RIOK2: variants seen among roughly 807,000 people sequenced by gnomAD.
RIOK2 encodes serine/threonine-protein kinase RIO2.
RIOK2 carries 46 observed loss-of-function variants against 62.4 expected under a neutral mutation model. The ratio of observed to expected loss-of-function variants is 0.74; its 90% CI spans 0.58 to 0.94. The LOEUF is 0.94. RIOK2 is among the 40% of genes least tolerant of loss of function. RIOK2 has a pLI of 0.00. For synonymous variants in RIOK2, 197 were observed against 216.0 expected, an observed-to-expected ratio of 0.91 and a Z score of 0.77; for missense variants, 574 against 658.0, an observed-to-expected ratio of 0.87 and a Z score of 1.40.
chr5:97,177,615 A>G, intron 3 of RIOK2, 117 bp downstream of exon 3: 1 of 688,998 alleles, frequency 1.5e-6, no homozygotes, highest in Middle Eastern at 2.6e-4. Flanking sequence ...CTTCCAATCA[A>G]CTTTCCAACT....
chr5:97,178,357 T>C (rs1749229270), intron 2 of RIOK2, among the ~76,000 whole-genome samples: 1 of 8,088 alleles, frequency 1.2e-4, no homozygotes, highest in Non-Finnish European at 3.2e-4. Context: ...CATGCTCTTC[T>C]ACAGTACCTA....
At position 97,163,004 on chromosome 5, in the gene RIOK2, A is replaced by T. The variant is rs1045777597; in HGVS notation, c.*57T>A. 2 of 1,417,742 alleles carry T rather than the reference A, an allele frequency of 1.4e-6. No individual in the cohort carries two copies. Among genetic ancestry groups the T allele is most frequent in the African/African-American group, 2.9e-5 (2 of 69,120 alleles). The allele number at this position is 1,417,742 out of a possible 1,614,324, so 87.8% of individuals were successfully genotyped here. ...TCAAAAAAGACAAATGAGGGCTCAA[A>T]AAGGAATTACAGTAACTTTAAAAAA... On this transcript the variant is annotated 3_prime_UTR_variant, in exon 10 of 10. Transcript: ENST00000283109.
At chr5:97,177,068 A>G (rs1279933575) in intron 4 of RIOK2, 48 bp downstream of exon 4, 3 of 1,496,522 alleles carry the variant, frequency 2.0e-6, no homozygotes, top group Admixed American at 3.4e-5. Flanking sequence ...TTTGAGACAC[A>G]TGTATTATTT....
chr5:97,174,179 G>A (rs1749098153), intron 4 of RIOK2, among the ~76,000 whole-genome samples: 1 of 152,182 alleles, frequency 6.6e-6, no homozygotes, highest in Non-Finnish European at 1.5e-5. Flanking sequence ...AGCAATTTGG[G>A]AGGCCGAGGC....
At chr5:97,168,384 G>A (rs1748904130) in intron 7 of RIOK2, among the ~76,000 whole-genome samples, 1 of 151,714 alleles carries the variant, frequency 6.6e-6, no homozygotes, top group Non-Finnish European at 1.5e-5. Context: ...GAATGCACAT[G>A]ATAGTTATGT....
chr5:97,182,629 T>A (rs1442325351), intron 1 of RIOK2, among the ~76,000 whole-genome samples: 2 of 152,198 alleles, frequency 1.3e-5, no homozygotes, highest in Non-Finnish European at 1.5e-5. Context: ...TACTTGATGA[T>A]CTGTGTCTCT....
At chr5:97,178,861 CT>C in intron 2 of RIOK2, 193 bp downstream of exon 2, 2 of 659,834 alleles carry the variant, frequency 3.0e-6, no homozygotes, top group South Asian at 3.4e-5. Context: ...TACTACTATT[CT>C]TTTTTCACCT....
intron 2 of RIOK2, among the ~76,000 whole-genome samples, chr5:97,178,550 G>C: frequency 6.8e-6 from 1 of 147,348 alleles, no homozygotes; most frequent in Admixed American, 6.8e-5. Context: ...GTACCTACGT[G>C]CTCTTCTGCA....
At chr5:97,164,832 T>A in intron 9 of RIOK2, 1 of 352,876 alleles carries the variant, frequency 2.8e-6, no homozygotes, top group East Asian at 4.3e-5. Context: ...TCATTTGGCC[T>A]TCATTTTACA....
rs1161388749 is a variant in RIOK2, at chr5:97,183,239, G to C, written c.-48C>G. 52 of 1,600,512 alleles carry C rather than the reference G, an allele frequency of 3.2e-5. No individual in the cohort carries two copies. The highest frequency in any genetic ancestry group is 4.5e-5 in the Non-Finnish European group (52 of 1,167,718). ...ATGCCTCTCCGACGACAGCCGCAAA[G>C]CGTAAGGCAGGTCGTTATTCCAGCC... On this transcript the variant is annotated 5_prime_UTR_variant, in exon 1 of 10. Coordinates refer to ENST00000283109, the MANE Select transcript of RIOK2 (RefSeq NM_018343.3).
At chr5:97,181,518 G>A (rs556852479) in intron 1 of RIOK2, among the ~76,000 whole-genome samples, 6 of 152,178 alleles carry the variant, frequency 3.9e-5, no homozygotes, top group African/African-American at 1.4e-4. Flanking sequence ...TATAGGAGGA[G>A]CCAAAGAAGT....
chr5:97,163,919 G>T (rs1748771023), intron 9 of RIOK2, among the ~76,000 whole-genome samples: 1 of 151,778 alleles, frequency 6.6e-6, no homozygotes, highest in Admixed American at 6.6e-5. Flanking sequence ...TTGAGACAGG[G>T]TCTTGCTGTG....
At position 97,173,173 on chromosome 5, in the gene RIOK2, AC is replaced by A. The variant is rs766947965; in HGVS notation, c.587+1del. ...ATGGCTTTAAGAATAATGAATACTT[AC>A]AGTGGATAACCATTTATGAGTTCCA... On this transcript the variant is annotated splice_donor_variant, in intron 5 of 9. Coordinates refer to ENST00000283109, the MANE Select transcript of RIOK2 (RefSeq NM_018343.3). LOFTEE classifies it high-confidence loss of function. 53 of 1,590,162 alleles carry A rather than the reference AC, an allele frequency of 3.3e-5. No homozygotes were observed. The highest frequency in any genetic ancestry group is 4.5e-5 in the Non-Finnish European group (52 of 1,160,566).
chr5:97,180,597 G>C (rs949719750), intron 1 of RIOK2, among the ~76,000 whole-genome samples: 1 of 152,132 alleles, frequency 6.6e-6, no homozygotes, highest in Non-Finnish European at 1.5e-5. Context: ...AGATGTTTAG[G>C]CGTGGGAGAC....
rs567913698 is a variant in RIOK2, at chr5:97,161,251, C to T, written c.*1810G>A. 4.6e-5 allele frequency: 7 copies of T among 151,088 alleles called. No individual in the cohort carries two copies. The South Asian group carries it at 1.5e-3, about 31-fold the overall frequency. The allele number at this position is 151,088 out of a possible 1,614,324, so 9.4% of individuals were successfully genotyped here. ...AGGATTTAAATCTGGAACTCCTAGG[C>T]AAAAAAAAGTGTTTTAACAATCACA... On this transcript the variant is annotated 3_prime_UTR_variant, in exon 10 of 10. Transcript: ENST00000283109.
Position 97,171,267 on chromosome 5 carries a change from C to A in RIOK2, c.718G>T (p.Asp240Tyr). ...GGAAAATCAATCATGGTGATATGGT[C>A]ACTTTCATCCAAAATGAGATTAAAT... ...NEFNLILDES[D>Y]HITMIDFPQM... The change falls in exon 6 of 10, where the codon GAC becomes TAC. Residue 240 changes from aspartate (D) to tyrosine (Y), a missense_variant. Transcript: ENST00000283109. The A allele has an allele frequency of 6.2e-7, 1 of 1,606,130 alleles. No homozygotes were observed. The highest frequency in any genetic ancestry group is 8.5e-7 in the Non-Finnish European group (1 of 1,176,228).
At chr5:97,176,878 A>G (rs2544770) in intron 4 of RIOK2, 24,810 of 420,874 alleles carry the variant, frequency 0.059, 850 homozygotes, top group African/African-American at 0.081. Flanking sequence ...TCTTGTCAGC[A>G]TTACAGAATG....
In RIOK2 at chr5:97,183,218, C is replaced by T. The variant is rs749945465; in HGVS notation, c.-27G>A. ...GCGGCCCCAGTCCGAACCCAGATGC[C>T]TCTCCGACGACAGCCGCAAAGCGTA... On this transcript the variant is annotated 5_prime_UTR_variant, in exon 1 of 10. Coordinates refer to ENST00000283109, the MANE Select transcript of RIOK2 (RefSeq NM_018343.3). The T allele has an allele frequency of 1.2e-6, 2 of 1,613,598 alleles. No individual in the cohort carries two copies. Among genetic ancestry groups the T allele is most frequent in the Admixed American group, 1.7e-5 (1 of 60,034 alleles).
chr5:97,167,228 T>G, intron 8 of RIOK2: 1 of 1,393,980 alleles, frequency 7.2e-7, no homozygotes, highest in Non-Finnish European at 9.3e-7. Flanking sequence ...AGCCATCAGT[T>G]TGTATTTTAA....
Sources: allele counts gnomAD v4.1 joint callset (sites outside exome capture counted in the v4.1 genomes callset), GRCh38; gene constraint gnomAD v4.1.1; transcripts MANE v1.5; gene names NCBI Gene and HGNC (gene_info 2026-07-23, HGNC 2026-07-21).